Variants in OXR1 observed in about 807,000 individuals in gnomAD.
OXR1 encodes the protein oxidation resistance 1, also known as oxidation resistance protein 1.
OXR1 carries 41 observed loss-of-function variants against 104.6 expected under a neutral mutation model. The ratio of observed to expected loss-of-function variants is 0.39; its 90% CI spans 0.31 to 0.51. The LOEUF is 0.51. Among genes scored for constraint, OXR1 ranks in the 20% least tolerant of loss-of-function variants. The probability of loss-of-function intolerance (pLI) is 0.77; values close to 1 mark genes in which losing one functional copy is unlikely to be tolerated. For synonymous variants in OXR1, 348 were observed against 348.4 expected, an observed-to-expected ratio of 1.00 and a Z score of 0.01; for missense variants, 955 against 1,031.9, an observed-to-expected ratio of 0.93 and a Z score of 1.02.
At chr8:106,480,715 A>G (rs554345812) in intron 2 of OXR1, among the ~76,000 whole-genome samples, 11 of 152,118 alleles carry the variant, frequency 7.2e-5, no homozygotes, top group Middle Eastern at 3.4e-3. Context: ...CCTTCCGCCA[A>G]TCACCAGCCA....
intron 1 of OXR1, among the ~76,000 whole-genome samples, chr8:106,334,133 C>A (rs558934443): frequency 6.6e-6 from 1 of 152,254 alleles, no homozygotes; most frequent in Admixed American, 6.5e-5. Context: ...GTCTTAATTT[C>A]TTTCAACAAT....
rs1563648935 is a variant in OXR1, at chr8:106,621,613, A to G, written c.221-57597A>G. ...TGTTGAATAGAAATTCCATTGCAAT[A>G]GTAACTATAAAACACAAGATTATCC... On this transcript the variant is annotated intron_variant, in intron 3 of 16. Transcript: ENST00000517566. Among the ~76,000 whole-genome samples the G allele has an allele frequency of 2.6e-5, 4 of 152,284 alleles. No homozygotes were observed. In the South Asian group the frequency reaches 8.3e-4, roughly 32 times the overall value.
At chr8:106,347,791 C>G (rs1650268296) in intron 1 of OXR1, among the ~76,000 whole-genome samples, 1 of 152,072 alleles carries the variant, frequency 6.6e-6, no homozygotes, top group Non-Finnish European at 1.5e-5. Context: ...AAAGGGGGCT[C>G]TCTGATTCCC....
intron 3 of OXR1, among the ~76,000 whole-genome samples, chr8:106,660,779 G>A (rs966637309): frequency 4.6e-5 from 7 of 152,172 alleles, no homozygotes; most frequent in African/African-American, 7.2e-5. Flanking sequence ...TTGGGAGGCC[G>A]AGACGGGCGG....
At chr8:106,533,468 G>A (rs1405812106) in intron 3 of OXR1, among the ~76,000 whole-genome samples, 1 of 152,128 alleles carries the variant, frequency 6.6e-6, no homozygotes, top group Non-Finnish European at 1.5e-5. Flanking sequence ...AGAGAGAGAG[G>A]AAGCAGCACA....
rs1488196008 is a variant in OXR1 at position 106,702,993 on chromosome 8, T to C, written c.763T>C (p.Cys255Arg). Residue 255 changes from cysteine (C) to arginine (R), a missense_variant, in exon 8 of 17, where the codon TGT becomes CGT. By Grantham distance (180) the Cys-to-Arg change is radical. Transcript: ENST00000517566. ...TGACCCTTTGGTTCAAGAGAATGGCTGTGAGGAATATGGCATCATGTGTCC... is the reference window on the plus strand; with the variant it reads ...TGACCCTTTGGTTCAAGAGAATGGCCGTGAGGAATATGGCATCATGTGTCC... ...KNDPLVQENGCEEYGIMCPME... is the reference protein window; with the variant it reads ...KNDPLVQENGREEYGIMCPME... The C allele has an allele frequency of 3.7e-6, 6 of 1,613,522 alleles. No individual in the cohort carries two copies. The highest frequency in any genetic ancestry group is 1.7e-5 in the Admixed American group (1 of 59,976).
At chr8:106,666,302 T>A (rs1458995134) in intron 3 of OXR1, among the ~76,000 whole-genome samples, 1 of 152,206 alleles carries the variant, frequency 6.6e-6, no homozygotes, top group Non-Finnish European at 1.5e-5. Context: ...GGTCTGTATC[T>A]GTGATGGCCA....
At chr8:106,498,364 C>A (rs944213687) in intron 2 of OXR1, among the ~76,000 whole-genome samples, 9 of 152,000 alleles carry the variant, frequency 5.9e-5, no homozygotes, top group African/African-American at 2.2e-4. Flanking sequence ...ATCAATCAAG[C>A]GTGTGACTCA....
intron 3 of OXR1, among the ~76,000 whole-genome samples, chr8:106,673,143 G>C (rs1827218522): frequency 6.6e-6 from 1 of 152,166 alleles, no homozygotes; most frequent in African/African-American, 2.4e-5. Context: ...GGGAAAGTTT[G>C]GAACTTCCTA....
At chr8:106,560,752 G>C (rs988585764) in intron 3 of OXR1, among the ~76,000 whole-genome samples, 1 of 152,182 alleles carries the variant, frequency 6.6e-6, no homozygotes, top group African/African-American at 2.4e-5. Flanking sequence ...CTGGTCTGCA[G>C]CTCCCAGCAA....
chr8:106,623,958 T>A (rs1052770083), intron 3 of OXR1, among the ~76,000 whole-genome samples: 2 of 152,218 alleles, frequency 1.3e-5, no homozygotes, highest in African/African-American at 2.4e-5. Context: ...GTTTTCCAAA[T>A]TGTTATTTTT....
intron 2 of OXR1, among the ~76,000 whole-genome samples, chr8:106,404,091 G>A (rs1206864793): frequency 6.6e-6 from 1 of 152,098 alleles, no homozygotes; most frequent in Non-Finnish European, 1.5e-5. Context: ...TTCAGATGGG[G>A]GTGGAAAGCC....
chr8:106,381,933 C>G (rs1347153764), intron 2 of OXR1, among the ~76,000 whole-genome samples: 110 of 152,276 alleles, frequency 7.2e-4, no homozygotes, highest in Non-Finnish European at 8.8e-5. Flanking sequence ...AAACATTAAT[C>G]ACTTAGCCGA....
At position 106,680,102 on chromosome 8, in the gene OXR1, T is replaced by G. The variant is rs192370731; in HGVS notation, c.303+810T>G. ...TGCATCTTTAAAATTGAACAAATTA[T>G]CAAAATTCTAATTTATACTCTATTT... On this transcript the variant is annotated intron_variant, in intron 4 of 16. Coordinates refer to ENST00000517566, the MANE Select transcript of OXR1 (RefSeq NM_001198533.2). Among the ~76,000 whole-genome samples, 509 of 152,210 alleles carry G rather than the reference T, an allele frequency of 3.3e-3. 2 individuals are homozygous for G. The highest frequency in any genetic ancestry group is 6.8e-3 in the Middle Eastern group (2 of 294).
intron 1 of OXR1, among the ~76,000 whole-genome samples, chr8:106,318,964 C>T (rs1563715295): frequency 1.3e-5 from 2 of 152,148 alleles, no homozygotes; most frequent in Non-Finnish European, 1.5e-5. Context: ...GTCTATCAAT[C>T]TTATTGCTTA....
At chr8:106,500,477 C>A (rs1811729860) in intron 2 of OXR1, among the ~76,000 whole-genome samples, 1 of 152,220 alleles carries the variant, frequency 6.6e-6, no homozygotes, top group Non-Finnish European at 1.5e-5. Context: ...CTTGCTTGCT[C>A]AAATCAATCA....
intron 4 of OXR1, among the ~76,000 whole-genome samples, chr8:106,680,185 T>A (rs1174484346): frequency 6.6e-6 from 1 of 152,086 alleles, no homozygotes; most frequent in African/African-American, 2.4e-5. Flanking sequence ...TTAAAAGGAA[T>A]CAGATAATTT....
intron 3 of OXR1, among the ~76,000 whole-genome samples, chr8:106,645,313 G>A (rs1823984381): frequency 6.6e-6 from 1 of 152,180 alleles, no homozygotes; most frequent in South Asian, 2.1e-4. Flanking sequence ...CAATGCATTT[G>A]ATAAATTCTA....
intron 3 of OXR1, among the ~76,000 whole-genome samples, chr8:106,616,918 C>G (rs906441177): frequency 6.6e-6 from 1 of 152,198 alleles, no homozygotes; most frequent in Non-Finnish European, 1.5e-5. Flanking sequence ...TGGTTGTGAT[C>G]TCTGCCCTCA....
Sources: gnomAD v4.1 joint callset for allele counts (sites outside exome capture counted in the v4.1 genomes callset) on GRCh38, gnomAD v4.1.1 for gene constraint, MANE v1.5 for transcripts, NCBI Gene and HGNC (gene_info 2026-07-23, HGNC 2026-07-21) for gene names.